Variants in CADPS observed in about 807,000 individuals in gnomAD.
CADPS encodes calcium dependent secretion activator.
A neutral mutation model predicts 167.3 loss-of-function variants in CADPS; 57 were observed. That is an observed-to-expected ratio of 0.34 (90% CI 0.28 to 0.42). The LOEUF is 0.42. Among genes scored for constraint, CADPS ranks in the 20% least tolerant of loss-of-function variants. The pLI, the probability that CADPS is intolerant of heterozygous loss-of-function variation, is 1.00. For synonymous variants in CADPS, 676 were observed against 635.3 expected, an observed-to-expected ratio of 1.06 and a Z score of -0.96; for missense variants, 1,414 against 1,738.1, an observed-to-expected ratio of 0.81 and a Z score of 3.32.
intron 21 of CADPS, among the ~76,000 whole-genome samples, chr3:62,488,871 T>C (rs773948589): frequency 1.3e-5 from 2 of 152,204 alleles, no homozygotes; most frequent in African/African-American, 2.4e-5. Context: ...CACAATCATA[T>C]TCACTAACAG....
chr3:62,795,585 T>G (rs1474141107), intron 1 of CADPS, among the ~76,000 whole-genome samples: 1 of 152,058 alleles, frequency 6.6e-6, no homozygotes, highest in Non-Finnish European at 1.5e-5. Flanking sequence ...TTTCAGGTTC[T>G]TCTTCATAGG....
chr3:62,750,281 G>A (rs530142234), intron 3 of CADPS, among the ~76,000 whole-genome samples: 7 of 148,578 alleles, frequency 4.7e-5, no homozygotes, highest in African/African-American at 1.5e-4. Context: ...AACCTGGGAG[G>A]TGGAGGTTGC....
chr3:62,589,486 AG>A (rs2085436926), intron 7 of CADPS, among the ~76,000 whole-genome samples: 1 of 152,248 alleles, frequency 6.6e-6, no homozygotes, highest in Non-Finnish European at 1.5e-5. Context: ...AGCACAGCCC[AG>A]GGTTTTATTT....
chr3:62,837,544 G>A (rs1025887068), intron 1 of CADPS, among the ~76,000 whole-genome samples: 1 of 152,154 alleles, frequency 6.6e-6, no homozygotes. Context: ...CATGGCTGGG[G>A]CACTCAGTGT....
Position 62,550,014 on chromosome 3 carries a change from T to C in CADPS, c.1855A>G (p.Met619Val), listed in dbSNP as rs779665786. The C allele has an allele frequency of 1.2e-6, 2 of 1,614,084 alleles. No homozygotes were observed. Among genetic ancestry groups the C allele is most frequent in the South Asian group, 1.1e-5 (1 of 91,066 alleles). ...EQDRILWVQA[M>V]YRATGQSHKP... ...TGTGACTGCCCCGTGGCCCGATACATGGCCTGGACCCACAGGATGCGGTCT... is the reference window on the plus strand; with the variant it reads ...TGTGACTGCCCCGTGGCCCGATACACGGCCTGGACCCACAGGATGCGGTCT... The change falls in exon 11 of 30, where the codon ATG becomes GTG. Residue 619 changes from methionine (M) to valine (V), a missense_variant. Coordinates refer to ENST00000383710, the MANE Select transcript of CADPS (RefSeq NM_003716.4).
In CADPS at chr3:62,799,056, C is replaced by G. The variant is rs761003111; in HGVS notation, c.442-33072G>C. Among the ~76,000 whole-genome samples the G allele has an allele frequency of 1.3e-5, 2 of 152,142 alleles. 1 individual carries two copies. Among genetic ancestry groups the G allele is most frequent in the Non-Finnish European group, 2.9e-5 (2 of 68,016 alleles). ...TTTACCTGATGGTCATCCTCTAGCA[C>G]CCTGTTGTGGTGACCCTCCTCTAGA... On this transcript the variant is annotated intron_variant, in intron 1 of 29. Transcript: ENST00000383710.
intron 1 of CADPS, among the ~76,000 whole-genome samples, chr3:62,785,468 T>C (rs2092328720): frequency 6.6e-6 from 1 of 152,194 alleles, no homozygotes; most frequent in African/African-American, 2.4e-5. Flanking sequence ...GTTGTTGTTG[T>C]TGATACCAAA....
chr3:62,541,940 T>C (rs1347071939), intron 11 of CADPS, among the ~76,000 whole-genome samples: 1 of 152,192 alleles, frequency 6.6e-6, no homozygotes, highest in Admixed American at 6.5e-5. Flanking sequence ...GTAATTTTCC[T>C]GGAAGAATAA....
At chr3:62,491,706 T>C (rs561065187) in intron 20 of CADPS, among the ~76,000 whole-genome samples, 2 of 152,190 alleles carry the variant, frequency 1.3e-5, no homozygotes, top group African/African-American at 2.4e-5. Context: ...CCCCTTGGTA[T>C]TGATCTTCTA....
intron 1 of CADPS, among the ~76,000 whole-genome samples, chr3:62,846,054 GCTCTCT>G (rs112418953): frequency 0.21 from 31,262 of 148,018 alleles, 3,487 homozygotes; most frequent in Middle Eastern, 0.37. Context: ...TTCCCCCTTT[GCTCTCT>G]CTCTCTCTCT....
chr3:62,812,992 T>G (rs1052891941), intron 1 of CADPS, among the ~76,000 whole-genome samples: 19 of 152,014 alleles, frequency 1.2e-4, no homozygotes, highest in African/African-American at 4.6e-4. Flanking sequence ...GGAAAAATAT[T>G]CCATACTCAC....
intron 1 of CADPS, among the ~76,000 whole-genome samples, chr3:62,866,676 T>C (rs1381425616): frequency 6.6e-6 from 1 of 151,986 alleles, no homozygotes; most frequent in Non-Finnish European, 1.5e-5. Context: ...TAAGAAACAG[T>C]ATGAGCAAAG....
Position 62,464,530 on chromosome 3 carries a change from T to C in CADPS, c.3636+837A>G, listed in dbSNP as rs77278860. On this transcript the variant is annotated intron_variant, in intron 26 of 29. Coordinates refer to ENST00000383710, the MANE Select transcript of CADPS (RefSeq NM_003716.4). ...GGTGTCTGCCTAGCATCAGGAAGAGTGGGAGAACTGGGCCCCCGAAGCAGT... is the reference window on the plus strand; with the variant it reads ...GGTGTCTGCCTAGCATCAGGAAGAGCGGGAGAACTGGGCCCCCGAAGCAGT... Among the ~76,000 whole-genome samples, 38 of 151,244 alleles carry C rather than the reference T, an allele frequency of 2.5e-4. 1 individual carries two copies. The East Asian group carries it at 5.9e-3, about 23-fold the overall frequency.
chr3:62,603,317 T>C (rs945508347), intron 6 of CADPS, among the ~76,000 whole-genome samples: 1 of 152,204 alleles, frequency 6.6e-6, no homozygotes, highest in African/African-American at 2.4e-5. Flanking sequence ...CCATGGACAT[T>C]ATTTGGTATG....
At chr3:62,702,566 G>C (rs564197848) in intron 3 of CADPS, among the ~76,000 whole-genome samples, 4 of 152,096 alleles carry the variant, frequency 2.6e-5, no homozygotes, top group Non-Finnish European at 5.9e-5. Context: ...TTAAGGACTC[G>C]ATAGTACCGG....
chr3:62,862,746 C>T (rs2081035006), intron 1 of CADPS, among the ~76,000 whole-genome samples: 2 of 152,132 alleles, frequency 1.3e-5, no homozygotes, highest in African/African-American at 4.8e-5. Flanking sequence ...ATAAAGATTA[C>T]ATAAAATGAA....
In CADPS at chr3:62,874,496, C is replaced by T. The variant is rs2083288848; in HGVS notation, c.441+93G>A. ...GGCGCGGTCTCCACCTCTCCTGCTC[C>T]TCCTCGCCAGCTGCGCCGCCAGCTC... On this transcript the variant is annotated intron_variant, in intron 1 of 29. Transcript: ENST00000383710. The surrounding 1 kb of genome is among the most constrained non-coding windows in gnomAD (Gnocchi z 7.1). The T allele has an allele frequency of 1.0e-6, 1 of 1,001,556 alleles. No individual in the cohort carries two copies. The highest frequency in any genetic ancestry group is 1.5e-6 in the Non-Finnish European group (1 of 671,420). 62.0% of individuals were successfully genotyped at this position (1,001,556 alleles called of 1,614,324 possible).
At chr3:62,632,714 A>C in intron 6 of CADPS, among the ~76,000 whole-genome samples, 1 of 152,162 alleles carries the variant, frequency 6.6e-6, no homozygotes, top group Non-Finnish European at 1.5e-5. Context: ...CCACAAGCAC[A>C]GTGCAATCTG....
chr3:62,445,739 A>G lies in CADPS; in HGVS notation c.3669+26T>C, dbSNP rs775498631. ...AAAAAAAAAAAAACAAAAAAACCCC[A>G]TGAGAAACAATTTTCAAATACTCAC... On this transcript the variant is annotated intron_variant, in intron 27 of 29. Coordinates refer to ENST00000383710, the MANE Select transcript of CADPS (RefSeq NM_003716.4). The G allele has an allele frequency of 1.1e-3, 1,614 of 1,412,260 alleles. 63 individuals carry two copies. The highest frequency in any genetic ancestry group is 1.5e-3 in the Non-Finnish European group (1,549 of 1,047,860). The allele number at this position is 1,412,260 out of a possible 1,614,324, so 87.5% of individuals were successfully genotyped here.
Sources: allele counts gnomAD v4.1 joint callset (sites outside exome capture counted in the v4.1 genomes callset), GRCh38; gene constraint gnomAD v4.1.1; non-coding constraint Gnocchi (gnomAD v3.1); transcripts MANE v1.5; gene names NCBI Gene and HGNC (gene_info 2026-07-23, HGNC 2026-07-21).